TMX3: variants seen among roughly 807,000 people sequenced by gnomAD.
The protein encoded by TMX3 is protein disulfide-isomerase TMX3.
Under a neutral mutation model 64.4 loss-of-function variants are expected in TMX3, and 40 were observed. That is an observed-to-expected ratio of 0.62 (90% CI 0.48 to 0.81). TMX3 has a LOEUF of 0.81. TMX3 is among the 30% of genes least tolerant of loss of function. The probability of loss-of-function intolerance (pLI) is 0.00; values close to 1 mark genes in which losing one functional copy is unlikely to be tolerated. For synonymous variants in TMX3, 189 were observed against 175.7 expected, an observed-to-expected ratio of 1.08 and a Z score of -0.60; for missense variants, 497 against 534.5, an observed-to-expected ratio of 0.93 and a Z score of 0.69.
At chr18:68,680,499 G>A (rs1291195803) in intron 14 of TMX3, among the ~76,000 whole-genome samples, 2 of 152,008 alleles carry the variant, frequency 1.3e-5, no homozygotes, top group Non-Finnish European at 2.9e-5. Context: ...ACTCTCCACG[G>A]GGGCTTTTAC....
chr18:68,698,680 G>C (rs181040867), intron 6 of TMX3, among the ~76,000 whole-genome samples: 1,715 of 152,006 alleles, frequency 0.011, 12 homozygotes, highest in African/African-American at 0.018. Context: ...AATGAATTAC[G>C]TCATAGGTTA....
intron 8 of TMX3, chr18:68,696,992 C>A (rs1158584318): frequency 3.0e-6 from 1 of 333,338 alleles, no homozygotes; most frequent in Non-Finnish European, 5.5e-6. Flanking sequence ...AAACAAGAAG[C>A]ACTAATGTAA....
chr18:68,694,905 T>C (rs1416387240), intron 8 of TMX3, among the ~76,000 whole-genome samples: 1 of 152,176 alleles, frequency 6.6e-6, no homozygotes, highest in East Asian at 1.9e-4. Flanking sequence ...GTAAAAGAAA[T>C]GAAATGTTTC....
Position 68,709,835 on chromosome 18 carries a change from A to G in TMX3, c.265+186T>C, listed in dbSNP as rs76969067. Among the ~76,000 whole-genome samples, 14,578 of 152,102 alleles carry G rather than the reference A, an allele frequency of 0.096. 2,010 individuals carry two copies. Among genetic ancestry groups the G allele is most frequent in the African/African-American group, 0.31 (12,630 of 41,402 alleles). Reference sequence around the variant, plus strand: ...TTAAACATCTGTTAAGCATAAGATTAACACACACTACACGCTACATGTTCA... The same window carrying G: ...TTAAACATCTGTTAAGCATAAGATTGACACACACTACACGCTACATGTTCA... On this transcript the variant is annotated intron_variant, in intron 4 of 15. Coordinates refer to ENST00000299608, the MANE Select transcript of TMX3 (RefSeq NM_019022.5).
chr18:68,709,938 G>T, intron 4 of TMX3, 83 bp downstream of exon 4: 2 of 1,346,432 alleles, frequency 1.5e-6, no homozygotes, highest in Admixed American at 2.8e-5. Flanking sequence ...GCAAAAAAAA[G>T]TCTTCCTCCC....
Position 68,677,093 on chromosome 18 carries a change from T to A in TMX3, c.1205A>T (p.Asp402Val). The A allele has an allele frequency of 6.2e-7, 1 of 1,613,852 alleles. No individual in the cohort carries two copies. Among genetic ancestry groups the A allele is most frequent in the Non-Finnish European group, 8.5e-7 (1 of 1,179,796 alleles). Residue 402 changes from aspartate (D) to valine (V), a missense_variant, in exon 16 of 16, where the codon GAT becomes GTT. Physicochemically the swap from Asp to Val is radical, Grantham distance 152. Around this residue, in one of 3 missense-constraint regions of TMX3, gnomAD observed 94 missense variants for 75.8 expected, o/e 1.24. Transcript: ENST00000299608. ...ATATCGTTCTTCTATATAACCTCCA[T>A]CTGTGTCGGCTGTGTAGATTCCATA... ...MCYGIYTADTDGGYIEERYEV... is the reference protein window; with the variant it reads ...MCYGIYTADTVGGYIEERYEV...
chr18:68,702,804 C>G (rs1355378004), intron 4 of TMX3, among the ~76,000 whole-genome samples: 1 of 152,176 alleles, frequency 6.6e-6, no homozygotes, highest in African/African-American at 2.4e-5. Context: ...CATCAACTCA[C>G]CAATTCAATT....
intron 4 of TMX3, among the ~76,000 whole-genome samples, chr18:68,704,493 GA>G (rs766037702): frequency 1.3e-3 from 197 of 152,022 alleles, no homozygotes; most frequent in Non-Finnish European, 1.8e-3. Flanking sequence ...TTGTAAGGAA[GA>G]AAAAAAGGTA....
At chr18:68,700,324 T>C in intron 6 of TMX3, 81 bp downstream of exon 6, 1 of 969,510 alleles carries the variant, frequency 1.0e-6, no homozygotes, top group Non-Finnish European at 1.5e-6. Context: ...TTAAAATATG[T>C]TTGTTCAATA....
At chr18:68,686,099 T>C (rs1384755449) in intron 10 of TMX3, among the ~76,000 whole-genome samples, 1 of 152,054 alleles carries the variant, frequency 6.6e-6, no homozygotes, top group Non-Finnish European at 1.5e-5. Flanking sequence ...AGTTAGAACT[T>C]CTGAGAAAAG....
At chr18:68,701,611 C>T (rs1294876668) in intron 5 of TMX3, 134 bp downstream of exon 5, 1 of 1,527,928 alleles carries the variant, frequency 6.5e-7, no homozygotes, top group South Asian at 1.2e-5. Context: ...CCTTTAATTA[C>T]ATACTTCACC....
intron 10 of TMX3, chr18:68,687,003 A>G: frequency 1.0e-6 from 1 of 983,632 alleles, no homozygotes; most frequent in Non-Finnish European, 1.2e-6. Context: ...CTTGAATAAA[A>G]TGTTCTCATT....
At chr18:68,691,023 T>C in intron 9 of TMX3, 1 of 343,360 alleles carries the variant, frequency 2.9e-6, no homozygotes, top group African/African-American at 2.1e-5. Context: ...TAAAGTAATG[T>C]ATAAAAATCA....
intron 4 of TMX3, among the ~76,000 whole-genome samples, chr18:68,704,875 A>G (rs1456876262): frequency 6.6e-6 from 1 of 152,192 alleles, no homozygotes; most frequent in African/African-American, 2.4e-5. Flanking sequence ...TTCTGTTTCT[A>G]ACTTTGATGT....
chr18:68,684,296 T>C lies in TMX3; in HGVS notation c.795-53A>G. On this transcript the variant is annotated intron_variant, in intron 11 of 15. Transcript: ENST00000299608. ...TCATCTCTGCACTTGAAAAACATAATTTTTCAATGATAGTATCTGCTGTCT... is the reference window on the plus strand; with the variant it reads ...TCATCTCTGCACTTGAAAAACATAACTTTTCAATGATAGTATCTGCTGTCT... 3 of 1,536,514 alleles carry C rather than the reference T, an allele frequency of 2.0e-6. No homozygotes were observed. In the East Asian group the frequency reaches 6.8e-5, roughly 35 times the overall value.
intron 4 of TMX3, 39 bp downstream of exon 4, chr18:68,709,982 T>C (rs760447319): frequency 1.3e-6 from 2 of 1,537,210 alleles, no homozygotes; most frequent in Non-Finnish European, 1.7e-6. Context: ...ATGTTTTTGC[T>C]GTGAGAACAG....
chr18:68,674,703 C>G lies in TMX3; in HGVS notation c.*2230G>C, dbSNP rs1287470074. ...TTTTAGAATCTGTTTTGTGAATAGT[C>G]TGACAATGTAAATAAACATCTCCCA... On this transcript the variant is annotated 3_prime_UTR_variant, in exon 16 of 16. Coordinates refer to ENST00000299608, the MANE Select transcript of TMX3 (RefSeq NM_019022.5). The G allele has an allele frequency of 2.0e-5, 3 of 151,972 alleles. No individual in the cohort carries two copies. The highest frequency in any genetic ancestry group is 7.3e-5 in the African/African-American group (3 of 41,378). The allele number at this position is 151,972 out of a possible 1,614,324, so 9.4% of individuals were successfully genotyped here. A position where few individuals can be genotyped will look rare whatever the true frequency, so the allele number is the denominator to read the frequency against.
Position 68,676,958 on chromosome 18 carries a change from T to A in TMX3, c.1340A>T (p.Asp447Val). The A allele has an allele frequency of 6.2e-7, 1 of 1,613,584 alleles. No individual in the cohort carries two copies. The highest frequency in any genetic ancestry group is 8.5e-7 in the Non-Finnish European group (1 of 1,179,746). ...TCAATCTTTCTTCTTTTCTAATACA[T>A]CCTTGGGCTCCTGCACTGTAGGCAC... The part of the protein sequence containing the change: ...SVVPTVQEPK[D>V]VLEKKKD The change falls in exon 16 of 16, where the codon GAT (aspartate) becomes GTT (valine). Residue 447 changes from aspartate (D) to valine (V), a missense_variant. By Grantham distance (152) the Asp-to-Val change is radical (BLOSUM62 -3). Coordinates refer to ENST00000299608, the MANE Select transcript of TMX3 (RefSeq NM_019022.5).
rs1220263889 is a variant in TMX3, at chr18:68,676,959, C to A, written c.1339G>T (p.Asp447Tyr). 4 of 1,613,516 alleles carry A rather than the reference C, an allele frequency of 2.5e-6. No homozygotes were observed. Among genetic ancestry groups the A allele is most frequent in the Non-Finnish European group, 3.4e-6 (4 of 1,179,744 alleles). The change falls in exon 16 of 16, where the codon GAT (aspartate) becomes TAT (tyrosine). Residue 447 changes from aspartate to tyrosine, a missense_variant. Coordinates refer to ENST00000299608, the MANE Select transcript of TMX3 (RefSeq NM_019022.5). Reference sequence around the variant, plus strand: ...CAATCTTTCTTCTTTTCTAATACATCCTTGGGCTCCTGCACTGTAGGCACT... The same window carrying A: ...CAATCTTTCTTCTTTTCTAATACATACTTGGGCTCCTGCACTGTAGGCACT... Reference protein sequence around the residue: ...SVVPTVQEPKDVLEKKKD With the variant: ...SVVPTVQEPKYVLEKKKD
Sources: gnomAD v4.1 joint callset for allele counts (sites outside exome capture counted in the v4.1 genomes callset) on GRCh38, gnomAD v4.1.1 for gene constraint, gnomAD v4.1.1 regional missense constraint, MANE v1.5 for transcripts, NCBI Gene and HGNC (gene_info 2026-07-23, HGNC 2026-07-21) for gene names.